Variants in DLGAP2 observed in about 807,000 individuals in gnomAD.
The protein encoded by DLGAP2 is disks large-associated protein 2.
A neutral mutation model predicts 100.3 loss-of-function variants in DLGAP2; 26 were observed. The observed-to-expected ratio is 0.26, with a 90% confidence interval of 0.19 to 0.36. DLGAP2 has a LOEUF of 0.36. Among genes scored for constraint, DLGAP2 ranks in the 10% least tolerant of loss-of-function variants. The pLI is 1.00. For missense variants in DLGAP2, 1,858 were observed against 1,453.2 expected (o/e 1.28, Z -4.53); for synonymous variants, 886 against 630.1 (o/e 1.41, Z -6.08).
At chr8:834,168 C>T (rs906317425) in intron 1 of DLGAP2, among the ~76,000 whole-genome samples, 1 of 152,216 alleles carries the variant, frequency 6.6e-6, no homozygotes, top group Non-Finnish European at 1.5e-5. Flanking sequence ...CATTTTGTGT[C>T]TCCACTCATG....
intron 2 of DLGAP2, among the ~76,000 whole-genome samples, chr8:1,094,975 C>T (rs1247515148): frequency 6.6e-6 from 1 of 152,236 alleles, no homozygotes; most frequent in Non-Finnish European, 1.5e-5. Context: ...AGGAGCGGCA[C>T]TTCCAGGTCT....
chr8:973,206 A>AC (rs1410370870), intron 2 of DLGAP2, among the ~76,000 whole-genome samples: 2 of 133,634 alleles, frequency 1.5e-5, no homozygotes, highest in East Asian at 4.7e-4. Context: ...GGCAGAGGCG[A>AC]CCCCCACCTC....
At chr8:1,177,325 G>C (rs1012241981) in intron 2 of DLGAP2, among the ~76,000 whole-genome samples, 1 of 152,062 alleles carries the variant, frequency 6.6e-6, no homozygotes, top group Non-Finnish European at 1.5e-5. Flanking sequence ...GCTCAGGAGA[G>C]GCATTATATC....
At chr8:927,529 C>T (rs1387891215) in intron 2 of DLGAP2, among the ~76,000 whole-genome samples, 4 of 152,212 alleles carry the variant, frequency 2.6e-5, no homozygotes, top group Non-Finnish European at 5.9e-5. Flanking sequence ...GTGTGTCCCT[C>T]ACCCAGAGAG....
intron 3 of DLGAP2, among the ~76,000 whole-genome samples, chr8:1,417,726 G>GGGGGGCACAGGGGGCCCCACTCCTGCCTC (rs1796967566): frequency 4.2e-5 from 6 of 142,482 alleles, no homozygotes; most frequent in Non-Finnish European, 4.6e-5. Flanking sequence ...CGAGGCTCCA[G>GGGGGGCACAGGGGGCCCCACTCCTGCCTC]ACACAGAAGC....
At chr8:765,415 C>G (rs915456149) in intron 1 of DLGAP2, among the ~76,000 whole-genome samples, 1 of 152,082 alleles carries the variant, frequency 6.6e-6, no homozygotes, top group East Asian at 1.9e-4. Context: ...TGTCAGGAGT[C>G]TAACAGTGTT....
chr8:789,305 GC>G (rs900209552), intron 1 of DLGAP2, among the ~76,000 whole-genome samples: 4 of 152,208 alleles, frequency 2.6e-5, no homozygotes, highest in Non-Finnish European at 4.4e-5. Context: ...TACAACCATG[GC>G]GGAAGGCGAA....
chr8:759,091 T>TTATCAATACCCCCAACA (rs1820998011), intron 1 of DLGAP2, among the ~76,000 whole-genome samples: 3 of 16,554 alleles, frequency 1.8e-4, no homozygotes, highest in African/African-American at 4.7e-4. Context: ...ACAGCCTTCC[T>TTATCAATACCCCCAACA]GTTATCAATA....
At chr8:1,607,059 C>G (rs1796824616) in intron 6 of DLGAP2, among the ~76,000 whole-genome samples, 1 of 152,186 alleles carries the variant, frequency 6.6e-6, no homozygotes, top group African/African-American at 2.4e-5. Context: ...ATGCTGGGTC[C>G]TTGATAACTC....
chr8:1,524,358 G>C (rs1352942087), intron 4 of DLGAP2, among the ~76,000 whole-genome samples: 2 of 152,174 alleles, frequency 1.3e-5, no homozygotes, highest in Non-Finnish European at 2.9e-5. Context: ...GCTACCCCCA[G>C]CTGTGCTTCC....
intron 3 of DLGAP2, among the ~76,000 whole-genome samples, chr8:1,270,058 C>G (rs1034937733): frequency 3.9e-5 from 6 of 152,270 alleles, no homozygotes; most frequent in African/African-American, 1.4e-4. Flanking sequence ...AGCGGGTGGT[C>G]TTTTCCCATT....
intron 2 of DLGAP2, among the ~76,000 whole-genome samples, chr8:1,172,467 C>G (rs1797149648): frequency 2.6e-5 from 4 of 152,118 alleles, no homozygotes; most frequent in Admixed American, 2.6e-4. Context: ...TGGATAATAT[C>G]CTGCAGAGTG....
intron 1 of DLGAP2, among the ~76,000 whole-genome samples, chr8:757,021 T>C (rs1261531074): frequency 1.3e-5 from 2 of 152,188 alleles, no homozygotes; most frequent in Non-Finnish European, 2.9e-5. Context: ...AGAAGCTGTT[T>C]CCGTGCAGTT....
At chr8:842,480 C>T (rs1797000744) in intron 1 of DLGAP2, among the ~76,000 whole-genome samples, 1 of 152,302 alleles carries the variant, frequency 6.6e-6, no homozygotes. Context: ...CGCCAGAGGA[C>T]TTTTACTCTC....
At chr8:1,356,006 C>A (rs544404250) in intron 3 of DLGAP2, among the ~76,000 whole-genome samples, 1 of 152,094 alleles carries the variant, frequency 6.6e-6, no homozygotes, top group East Asian at 1.9e-4. Flanking sequence ...TGTGTATTTC[C>A]CCCCTCCCTG....
At chr8:1,210,433 A>G (rs538547633) in intron 2 of DLGAP2, among the ~76,000 whole-genome samples, 1 of 152,210 alleles carries the variant, frequency 6.6e-6, no homozygotes, top group Non-Finnish European at 1.5e-5. Context: ...AAGAGTTTCC[A>G]TGTTCATTCA....
intron 3 of DLGAP2, among the ~76,000 whole-genome samples, chr8:1,486,419 A>G (rs1204013307): frequency 1.3e-5 from 2 of 152,192 alleles, no homozygotes; most frequent in African/African-American, 2.4e-5. Context: ...TGTGTTGTTT[A>G]TAAAGGACTG....
chr8:1,101,599 C>T (rs932602884), intron 2 of DLGAP2, among the ~76,000 whole-genome samples: 13 of 152,000 alleles, frequency 8.6e-5, no homozygotes, highest in Non-Finnish European at 1.3e-4. Context: ...GATGGTGACA[C>T]GACAATGGGA....
intron 2 of DLGAP2, among the ~76,000 whole-genome samples, chr8:1,051,498 A>C (rs1313622208): frequency 1.3e-5 from 2 of 152,212 alleles, no homozygotes; most frequent in East Asian, 3.8e-4. Flanking sequence ...ATTGATGTTA[A>C]TACCACTCAG....
Sources: allele counts gnomAD v4.1 joint callset (sites outside exome capture counted in the v4.1 genomes callset), GRCh38; gene constraint gnomAD v4.1.1; transcripts MANE v1.5; gene names NCBI Gene and HGNC (gene_info 2026-07-23, HGNC 2026-07-21).